Variants in KCNB2 observed in about 807,000 individuals in gnomAD.
The protein encoded by KCNB2 is potassium voltage-gated channel subfamily B member 2, also known as delayed rectifier potassium channel protein.
In KCNB2, 15 loss-of-function variants were observed where a neutral mutation model predicts 61.5. The ratio of observed to expected loss-of-function variants is 0.24; its 90% CI spans 0.16 to 0.38. KCNB2 has a LOEUF of 0.38. Ranked by LOEUF, KCNB2 falls within the 10% of genes least tolerant of loss-of-function variation. KCNB2 has a pLI of 1.00. For missense variants in KCNB2, 828 were observed against 1,125.2 expected (o/e 0.74, Z 3.78); for synonymous variants, 457 against 446.0 (o/e 1.02, Z -0.31).
intron 2 of KCNB2, among the ~76,000 whole-genome samples, chr8:72,596,257 C>T (rs1477355240): frequency 6.6e-6 from 1 of 152,284 alleles, no homozygotes; most frequent in East Asian, 1.9e-4. Flanking sequence ...ACTCTGATGT[C>T]AAGAGACTAG....
intron 2 of KCNB2, among the ~76,000 whole-genome samples, chr8:72,740,065 T>A (rs1388883407): frequency 6.6e-6 from 1 of 152,222 alleles, no homozygotes; most frequent in African/African-American, 2.4e-5. Context: ...AGAGTCTGTC[T>A]GTTAAGAAAA....
intron 2 of KCNB2, among the ~76,000 whole-genome samples, chr8:72,631,748 TATTTC>T (rs1353000952): frequency 1.3e-5 from 2 of 152,180 alleles, no homozygotes; most frequent in Non-Finnish European, 2.9e-5. Context: ...AACAAGTAAA[TATTTC>T]ATTCCTTTTG....
intron 2 of KCNB2, among the ~76,000 whole-genome samples, chr8:72,762,882 A>AATATATATATATAT (rs10551590): frequency 8.7e-4 from 123 of 141,604 alleles, no homozygotes; most frequent in African/African-American, 2.7e-3. Context: ...CATATTAACA[A>AATATATATATATAT]ATATATATAT....
intron 2 of KCNB2, among the ~76,000 whole-genome samples, chr8:72,841,692 G>A (rs889328644): frequency 2.7e-5 from 4 of 148,206 alleles, no homozygotes; most frequent in Non-Finnish European, 6.0e-5. Context: ...TCTCTTTGTA[G>A]CAATTGTGAA....
chr8:72,546,714 C>G (rs1290861582), intron 1 of KCNB2, among the ~76,000 whole-genome samples: 1 of 152,168 alleles, frequency 6.6e-6, no homozygotes, highest in African/African-American at 2.4e-5. Context: ...TCACTGCAGC[C>G]TTGAACTCCT....
chr8:72,632,149 G>A (rs1379053942), intron 2 of KCNB2, among the ~76,000 whole-genome samples: 5 of 152,014 alleles, frequency 3.3e-5, no homozygotes, highest in African/African-American at 1.2e-4. Context: ...GAGAAGCTAA[G>A]GTGGGAGGAT....
intron 2 of KCNB2, among the ~76,000 whole-genome samples, chr8:72,838,619 A>G (rs912711920): frequency 1.3e-5 from 2 of 152,144 alleles, no homozygotes; most frequent in African/African-American, 4.8e-5. Context: ...TCCTTTGGGT[A>G]TTTACCCAGT....
chr8:72,770,394 G>A (rs2128997138), intron 2 of KCNB2, among the ~76,000 whole-genome samples: 1 of 152,234 alleles, frequency 6.6e-6, no homozygotes, highest in African/African-American at 2.4e-5. Flanking sequence ...CAATTTATAA[G>A]GTCCAATCTG....
At chr8:72,671,457 T>C (rs771134962) in intron 2 of KCNB2, among the ~76,000 whole-genome samples, 3 of 152,186 alleles carry the variant, frequency 2.0e-5, no homozygotes, top group Non-Finnish European at 2.9e-5. Context: ...GGTTATTGCC[T>C]TGGAGTACTT....
At chr8:72,909,704 A>C (rs902185116) in intron 2 of KCNB2, among the ~76,000 whole-genome samples, 14 of 152,098 alleles carry the variant, frequency 9.2e-5, no homozygotes, top group African/African-American at 3.1e-4. Flanking sequence ...AAAAGGATGA[A>C]GAGTAATGTG....
At chr8:72,722,452 T>C (rs1273671126) in intron 2 of KCNB2, among the ~76,000 whole-genome samples, 1 of 152,166 alleles carries the variant, frequency 6.6e-6, no homozygotes, top group East Asian at 1.9e-4. Flanking sequence ...GGATATGTAG[T>C]GCTCCCCTCT....
At chr8:72,570,777 C>T (rs1441825540) in intron 2 of KCNB2, among the ~76,000 whole-genome samples, 3 of 152,116 alleles carry the variant, frequency 2.0e-5, no homozygotes, top group Non-Finnish European at 4.4e-5. Context: ...TTGGAACCTT[C>T]GTGTTTGTCC....
At chr8:72,898,219 G>A (rs1038487251) in intron 2 of KCNB2, among the ~76,000 whole-genome samples, 2 of 151,840 alleles carry the variant, frequency 1.3e-5, no homozygotes, top group Admixed American at 6.6e-5. Context: ...TTGGAAAGCT[G>A]ACCATAGGTG....
intron 2 of KCNB2, among the ~76,000 whole-genome samples, chr8:72,723,699 G>A (rs1208403984): frequency 6.6e-6 from 1 of 152,044 alleles, no homozygotes; most frequent in African/African-American, 2.4e-5. Context: ...ACAATCTAAG[G>A]GCCCCAAATA....
chr8:72,613,074 G>A (rs1195438793), intron 2 of KCNB2, among the ~76,000 whole-genome samples: 1 of 152,072 alleles, frequency 6.6e-6, no homozygotes, highest in Non-Finnish European at 1.5e-5. Context: ...GATAACAATG[G>A]CTCAAGAACT....
intron 2 of KCNB2, among the ~76,000 whole-genome samples, chr8:72,628,400 GGTGTGTGTGT>G (rs1160601490): frequency 2.1e-5 from 1 of 47,338 alleles, no homozygotes; most frequent in African/African-American, 6.3e-5. Context: ...CCTGTTAGGG[GGTGTGTGTGT>G]GTGTGTGTGT....
intron 2 of KCNB2, among the ~76,000 whole-genome samples, chr8:72,868,476 G>A (rs571967078): frequency 1.0e-3 from 155 of 151,954 alleles, no homozygotes; most frequent in Non-Finnish European, 1.8e-3. Context: ...TACTCGGGAG[G>A]CTGAGACAGG....
chr8:72,539,697 C>G (rs1465656942), intron 1 of KCNB2, among the ~76,000 whole-genome samples: 1 of 152,158 alleles, frequency 6.6e-6, no homozygotes, highest in African/African-American at 2.4e-5. Flanking sequence ...CCTCTCTTTT[C>G]TTTTCTTCTG....
chr8:72,747,758 A>G (rs1223406832), intron 2 of KCNB2, among the ~76,000 whole-genome samples: 5 of 152,252 alleles, frequency 3.3e-5, no homozygotes, highest in Non-Finnish European at 7.3e-5. Context: ...TATATTTCTG[A>G]AAGAATACTG....
Sources: allele counts gnomAD v4.1 joint callset (sites outside exome capture counted in the v4.1 genomes callset), GRCh38; gene constraint gnomAD v4.1.1; transcripts MANE v1.5; gene names NCBI Gene and HGNC (gene_info 2026-07-23, HGNC 2026-07-21).